The following EML6 variants were observed in gnomAD, a reference collection of about 807,000 sequenced individuals.
The protein encoded by EML6 is EMAP like 6, also known as echinoderm microtubule-associated protein-like 6.
Under a neutral mutation model 240.1 loss-of-function variants are expected in EML6, and 154 were observed. The ratio of observed to expected loss-of-function variants is 0.64; its 90% CI spans 0.56 to 0.73. The LOEUF (loss-of-function observed/expected upper bound fraction) is 0.73, where lower values mean the gene tolerates loss of function less well. Ranked by LOEUF, EML6 falls within the 30% of genes least tolerant of loss-of-function variation. The pLI is 0.00. For missense variants in EML6, 2,964 were observed against 2,474.6 expected (o/e 1.20, Z -4.20); for synonymous variants, 1,148 against 899.0 (o/e 1.28, Z -4.95).
chr2:54,924,512 A>G (rs557706194), intron 26 of EML6, among the ~76,000 whole-genome samples: 119 of 152,196 alleles, frequency 7.8e-4, no homozygotes, highest in Non-Finnish European at 1.5e-3. Flanking sequence ...TTAAACTACT[A>G]GCCAAATATG....
At chr2:54,861,185 T>C (rs1670652893) in intron 12 of EML6, among the ~76,000 whole-genome samples, 1 of 152,180 alleles carries the variant, frequency 6.6e-6, no homozygotes, top group South Asian at 2.1e-4. Context: ...TTCATGAGCC[T>C]TTGCTCTGGC....
intron 13 of EML6, among the ~76,000 whole-genome samples, chr2:54,866,382 C>T (rs1670972006): frequency 6.6e-6 from 1 of 152,158 alleles, no homozygotes; most frequent in African/African-American, 2.4e-5. Context: ...AGAGGGATTT[C>T]AGGAGAAAAT....
chr2:54,924,544 TA>T lies in EML6; in HGVS notation c.3676-3768del, dbSNP rs1444676031. Reference sequence around the variant, plus strand: ...TATGAATTATTTTGATAAAATCACTTATTTTTTTTTAAAAAAATTATTTATT... The same window carrying T: ...TATGAATTATTTTGATAAAATCACTTTTTTTTTTTAAAAAAATTATTTATT... On this transcript the variant is annotated intron_variant, in intron 26 of 41. Coordinates refer to ENST00000356458, the MANE Select transcript of EML6 (RefSeq NM_001039753.4). Among the ~76,000 whole-genome samples the T allele has an allele frequency of 9.2e-5, 14 of 152,272 alleles. No homozygotes were observed. The East Asian group carries it at 1.5e-3, about 17-fold the overall frequency.
chr2:54,962,663 C>G lies in EML6; in HGVS notation c.5109C>G (p.Ile1703Met), dbSNP rs1676573298. 3.3e-6 allele frequency: 5 copies of G among 1,532,150 alleles called. No homozygotes were observed. Among genetic ancestry groups the G allele is most frequent in the South Asian group, 1.2e-5 (1 of 80,246 alleles). The allele number at this position is 1,532,150 out of a possible 1,614,324, so 94.9% of individuals were successfully genotyped here. ...LATHPSKDLFISASNDGTARI... is the reference protein window; with the variant it reads ...LATHPSKDLFMSASNDGTARI... ...CTCACCCTTCCAAGGACCTCTTCAT[C>G]TCTGCCAGCAACGATGGCACAGCCC... is the stretch of plus-strand genomic sequence containing the variant. The change falls in exon 36 of 42, where the codon ATC (isoleucine) becomes ATG (methionine). Residue 1703 changes from isoleucine to methionine, a missense_variant. Ile to Met is a conservative substitution (Grantham distance 10, BLOSUM62 1). Transcript: ENST00000356458.
At chr2:54,816,434 A>G (rs1242325262) in intron 3 of EML6, among the ~76,000 whole-genome samples, 5 of 152,232 alleles carry the variant, frequency 3.3e-5, no homozygotes, top group South Asian at 2.1e-4. Context: ...TAAATCTCAC[A>G]TTAAGATTTT....
At chr2:54,874,647 TTGAC>T (rs1353780640) in intron 16 of EML6, among the ~76,000 whole-genome samples, 1 of 152,176 alleles carries the variant, frequency 6.6e-6, no homozygotes, top group African/African-American at 2.4e-5. Context: ...TGGAAAAACT[TTGAC>T]TGATACGTGA....
At chr2:54,749,267 G>A (rs1188132558) in intron 2 of EML6, among the ~76,000 whole-genome samples, 1 of 152,116 alleles carries the variant, frequency 6.6e-6, no homozygotes, top group Non-Finnish European at 1.5e-5. Context: ...CTTCTTTTCT[G>A]TTTGGTCTCT....
At chr2:54,933,303 C>G (rs941495828) in intron 28 of EML6, among the ~76,000 whole-genome samples, 2 of 152,160 alleles carry the variant, frequency 1.3e-5, no homozygotes, top group African/African-American at 2.4e-5. Flanking sequence ...CCACCATAGA[C>G]TAGCAATGTA....
At chr2:54,864,188 C>T (rs566330331) in intron 13 of EML6, among the ~76,000 whole-genome samples, 2 of 152,164 alleles carry the variant, frequency 1.3e-5, no homozygotes, top group South Asian at 2.1e-4. Flanking sequence ...GAAAAATGTG[C>T]AAGTAAGCCA....
At position 54,919,252 on chromosome 2, in the gene EML6, C is replaced by A. The variant is rs992258955; in HGVS notation, c.3675+2317C>A. On this transcript the variant is annotated intron_variant, in intron 26 of 41. Transcript: ENST00000356458. ...TTCCTCTATTTTGCTTCCCCCCCCC[C>A]CCAATCCTTTTCAAAAGTCTTATTT... Among the ~76,000 whole-genome samples, 15 of 146,480 alleles carry A rather than the reference C, an allele frequency of 1.0e-4. No homozygotes were observed. The South Asian group carries it at 1.2e-3, about 11-fold the overall frequency.
Position 54,903,110 on chromosome 2 carries a change from T to G in EML6, c.3191T>G (p.Phe1064Cys), listed in dbSNP as rs553087391. The G allele has an allele frequency of 6.4e-7, 1 of 1,551,810 alleles. No homozygotes were observed. The highest frequency in any genetic ancestry group is 1.4e-5 in the African/African-American group (1 of 73,180). The change falls in exon 23 of 42, where the codon TTC becomes TGC. Residue 1064 changes from phenylalanine to cysteine, a missense_variant. Transcript: ENST00000356458. ...ALAVGLNDGS[F>C]LVVNADTVED... ...GCGGTTGGCTTGAACGATGGGAGTT[T>G]CCTGGTGGTAAATGCTGACACTGTT...
At chr2:54,799,179 G>T (rs1250400250) in intron 2 of EML6, among the ~76,000 whole-genome samples, 1 of 152,120 alleles carries the variant, frequency 6.6e-6, no homozygotes, top group Non-Finnish European at 1.5e-5. Context: ...TCTTGCCTCA[G>T]CCTACCTAGT....
chr2:54,808,510 CT>C (rs1236671010), intron 2 of EML6, among the ~76,000 whole-genome samples: 57 of 146,628 alleles, frequency 3.9e-4, no homozygotes, highest in Non-Finnish European at 3.8e-4. Flanking sequence ...CCTGGTGAGA[CT>C]TTTTTTTTTT....
At chr2:54,767,632 ATG>A (rs370491221) in intron 2 of EML6, among the ~76,000 whole-genome samples, 23,445 of 130,880 alleles carry the variant, frequency 0.18, 2,038 homozygotes, top group South Asian at 0.23. Context: ...GTGTGTGTGT[ATG>A]TGTGTGTGTG....
In EML6 at chr2:54,885,121, C is replaced by T. The variant is rs558314825; in HGVS notation, c.2438+5481C>T. On this transcript the variant is annotated intron_variant, in intron 17 of 41. Coordinates refer to ENST00000356458, the MANE Select transcript of EML6 (RefSeq NM_001039753.4). The stretch of plus-strand genomic sequence containing the variant: ...GCAGTGAGCCCAGATTGCGCCACTG[C>T]ACTCCAGCCTGAGTGACAGAGTGAG... 5.7e-4 allele frequency among the ~76,000 whole-genome samples: 87 copies of T among 152,214 alleles called. No individual in the cohort carries two copies. In the Middle Eastern group the frequency reaches 0.014, roughly 24 times the overall value.
chr2:54,957,229 C>A (rs1311798104), intron 32 of EML6, among the ~76,000 whole-genome samples: 3 of 151,454 alleles, frequency 2.0e-5, no homozygotes, highest in African/African-American at 7.3e-5. Context: ...TTAAATAAAA[C>A]TCAGGAGACA....
At chr2:54,773,947 C>G (rs957217440) in intron 2 of EML6, among the ~76,000 whole-genome samples, 1 of 152,186 alleles carries the variant, frequency 6.6e-6, no homozygotes, top group Admixed American at 6.5e-5. Context: ...GGCACAGGGC[C>G]TCCTTTTTTC....
rs1280187815 is a variant in EML6, at chr2:54,967,370, A to G, written c.5597+267A>G. On this transcript the variant is annotated intron_variant, in intron 39 of 41. Coordinates refer to ENST00000356458, the MANE Select transcript of EML6 (RefSeq NM_001039753.4). The stretch of plus-strand genomic sequence containing the variant: ...ACCCCTTCCAGCAAGTTCAACAGGA[A>G]ACCATCTCCCGTCTCTTGGCCAATC... The G allele has an allele frequency of 2.9e-5, 7 of 238,524 alleles. No individual in the cohort carries two copies. The East Asian group carries it at 6.6e-4, about 23-fold the overall frequency. The allele number at this position is 238,524 out of a possible 1,614,324, so 14.8% of individuals were successfully genotyped here.
At chr2:54,950,919 G>C in intron 30 of EML6, 140 bp downstream of exon 30, 1 of 934,898 alleles carries the variant, frequency 1.1e-6, no homozygotes, top group Non-Finnish European at 1.6e-6. Flanking sequence ...GTCTCAGTTA[G>C]GCCTGGTAAC....
Sources: allele counts gnomAD v4.1 joint callset (sites outside exome capture counted in the v4.1 genomes callset), GRCh38; gene constraint gnomAD v4.1.1; transcripts MANE v1.5; gene names NCBI Gene and HGNC (gene_info 2026-07-23, HGNC 2026-07-21).